Variants in DOCK1 observed in about 807,000 individuals in gnomAD.
DOCK1 encodes the protein dedicator of cytokinesis protein 1.
Under a neutral mutation model 262.7 loss-of-function variants are expected in DOCK1, and 138 were observed. That is an observed-to-expected ratio of 0.53 (90% confidence interval 0.46 to 0.61). The LOEUF (loss-of-function observed/expected upper bound fraction) is 0.61. Ranked by LOEUF, DOCK1 falls within the 20% of genes least tolerant of loss-of-function variation. DOCK1 has a pLI of 0.00. For synonymous variants in DOCK1, 866 were observed against 867.4 expected (o/e 1.00, Z 0.03); for missense variants, 1,908 against 2,370.7 (o/e 0.80, Z 4.05).
intron 29 of DOCK1, among the ~76,000 whole-genome samples, chr10:127,322,935 C>T (rs1291034134): frequency 6.6e-6 from 1 of 152,232 alleles, no homozygotes; most frequent in Non-Finnish European, 1.5e-5. Flanking sequence ...AATCAATAAT[C>T]AATAATCAAT....
chr10:127,287,407 C>G (rs189114901), intron 29 of DOCK1, among the ~76,000 whole-genome samples: 45 of 152,046 alleles, frequency 3.0e-4, no homozygotes, highest in African/African-American at 1.1e-3. Context: ...CCAGGCTGCT[C>G]TTGAACTCCT....
chr10:126,994,040 A>G (rs1472064430), intron 6 of DOCK1, among the ~76,000 whole-genome samples: 3 of 152,138 alleles, frequency 2.0e-5, no homozygotes, highest in East Asian at 3.9e-4. Flanking sequence ...CCTTTTTCAT[A>G]TTGTTAAAAA....
chr10:127,060,323 A>G (rs990923186), intron 22 of DOCK1, among the ~76,000 whole-genome samples: 3 of 152,284 alleles, frequency 2.0e-5, no homozygotes, highest in Non-Finnish European at 4.4e-5. Flanking sequence ...TCATGATTCC[A>G]TCATTTTAAT....
chr10:127,341,275 G>A (rs1484533743), intron 30 of DOCK1, among the ~76,000 whole-genome samples: 1 of 152,104 alleles, frequency 6.6e-6, no homozygotes, highest in East Asian at 1.9e-4. Flanking sequence ...TCCATTTTCT[G>A]TGTTATTATC....
chr10:126,989,348 A>G (rs898948960), intron 5 of DOCK1, among the ~76,000 whole-genome samples: 1 of 151,996 alleles, frequency 6.6e-6, no homozygotes, highest in Admixed American at 6.6e-5. Flanking sequence ...ATTTTTTGAG[A>G]TAGGGTCTTG....
chr10:127,195,982 C>T (rs1045823005), intron 27 of DOCK1: 2 of 152,176 alleles, frequency 1.3e-5, no homozygotes, highest in African/African-American at 4.8e-5. Flanking sequence ...GGAGGGCACG[C>T]GGGGCTCCGC....
rs1053947073 is a variant in DOCK1 at position 127,100,447 on chromosome 10, G to A, written c.2446-5784G>A. On this transcript the variant is annotated intron_variant, in intron 23 of 51. Transcript: ENST00000623213. The surrounding 1 kb of genome is among the most constrained non-coding windows in gnomAD (Gnocchi z 5.5). ...GAATCCCTAGGGAAGGCGAGGCAGC[G>A]GTGGCTTCCACCAAGGCAGGGGGAG... Among the ~76,000 whole-genome samples the A allele has an allele frequency of 1.3e-5, 2 of 152,174 alleles. No homozygotes were observed. Among genetic ancestry groups the A allele is most frequent in the African/African-American group, 4.8e-5 (2 of 41,462 alleles).
At chr10:127,125,380 T>C (rs746266147) in intron 25 of DOCK1, 94 bp from the exon 26 acceptor site, 31 of 1,567,008 alleles carry the variant, frequency 2.0e-5, no homozygotes, top group Non-Finnish European at 2.5e-5. Flanking sequence ...ACAACGTGAA[T>C]GCAAACTGCT....
chr10:127,010,018 A>G (rs1030455951), intron 11 of DOCK1, among the ~76,000 whole-genome samples: 32 of 152,202 alleles, frequency 2.1e-4, no homozygotes, highest in African/African-American at 7.7e-4. Context: ...CGTAAGAATA[A>G]CAGCAAACCC....
intron 1 of DOCK1, among the ~76,000 whole-genome samples, chr10:126,938,368 T>G (rs2034700901): frequency 6.6e-6 from 1 of 152,128 alleles, no homozygotes; most frequent in Admixed American, 6.5e-5. Context: ...TTTTTGCTTG[T>G]GAATATCCAG....
chr10:127,248,382 TC>T (rs1204890445), intron 28 of DOCK1, among the ~76,000 whole-genome samples: 6 of 152,180 alleles, frequency 3.9e-5, no homozygotes, highest in African/African-American at 1.4e-4. Flanking sequence ...CAGTTTCTTC[TC>T]CTGTGCTTTG....
At chr10:127,401,266 C>T (rs937902426) in intron 38 of DOCK1, among the ~76,000 whole-genome samples, 5 of 152,198 alleles carry the variant, frequency 3.3e-5, no homozygotes, top group South Asian at 2.1e-4. Context: ...GGCGGTGTTA[C>T]TGGCCGCAAA....
At chr10:126,907,211 A>G (rs1442170754) in intron 1 of DOCK1, among the ~76,000 whole-genome samples, 1 of 152,090 alleles carries the variant, frequency 6.6e-6, no homozygotes, top group Non-Finnish European at 1.5e-5. Context: ...TAGTGTGTAG[A>G]GGAGAGAGCT....
chr10:127,365,694 GT>G (rs2064867751), intron 33 of DOCK1, among the ~76,000 whole-genome samples: 1 of 152,182 alleles, frequency 6.6e-6, no homozygotes, highest in Admixed American at 6.5e-5. Context: ...AAGAATGAGA[GT>G]TTGGTTTCTG....
chr10:127,365,530 A>G (rs960020227), intron 33 of DOCK1, among the ~76,000 whole-genome samples: 1 of 152,236 alleles, frequency 6.6e-6, no homozygotes, highest in African/African-American at 2.4e-5. Context: ...AAAAATTGCT[A>G]TTAAAGAATC....
intron 27 of DOCK1, among the ~76,000 whole-genome samples, chr10:127,182,317 C>A (rs11016679): frequency 6.6e-6 from 1 of 152,124 alleles, no homozygotes; most frequent in Admixed American, 6.5e-5. Context: ...ACAAAAAAAC[C>A]TATGGTCAGT....
chr10:127,374,070 C>G lies in DOCK1; in HGVS notation c.3531C>G (p.His1177Gln), dbSNP rs1371144327. 1 of 1,612,142 alleles carries G rather than the reference C, an allele frequency of 6.2e-7. No individual in the cohort carries two copies. The highest frequency in any genetic ancestry group is 8.5e-7 in the Non-Finnish European group (1 of 1,179,122). ...AATTATTTTTCAGCCTTCTGGAACA[C>G]TGCAGGAAGCACAAATACCTCGCCA... ...KVLFDKILLE[H>Q]CRKHKYLAKT... The change falls in exon 35 of 52, where the codon CAC becomes CAG. Residue 1177 changes from histidine (H) to glutamine (Q), a missense_variant. By Grantham distance (24) the His-to-Gln change is conservative. Around this residue, in one of 9 missense-constraint regions of DOCK1, gnomAD observed 518 missense variants for 575.1 expected, o/e 0.90. Coordinates refer to ENST00000623213, the MANE Select transcript of DOCK1 (RefSeq NM_001290223.2).
At chr10:126,949,940 C>T (rs981204625) in intron 1 of DOCK1, among the ~76,000 whole-genome samples, 17 of 152,076 alleles carry the variant, frequency 1.1e-4, no homozygotes, top group Admixed American at 8.5e-4. Flanking sequence ...ATGCAGCATG[C>T]AGTGTTGTGG....
At chr10:126,993,409 C>T (rs572655805) in intron 6 of DOCK1, among the ~76,000 whole-genome samples, 15 of 152,192 alleles carry the variant, frequency 9.9e-5, no homozygotes, top group Non-Finnish European at 1.9e-4. Flanking sequence ...GACCCCTGCC[C>T]ATACCAGTAT....
Sources: allele counts gnomAD v4.1 joint callset (sites outside exome capture counted in the v4.1 genomes callset), GRCh38; gene constraint gnomAD v4.1.1; regional missense constraint gnomAD v4.1.1; non-coding constraint Gnocchi (gnomAD v3.1); transcripts MANE v1.5; gene names NCBI Gene and HGNC (gene_info 2026-07-23, HGNC 2026-07-21).